Variants in BCL2L1 observed in about 807,000 individuals in gnomAD.
The protein encoded by BCL2L1 is BCL2 like 1, also known as bcl-2-like protein 1.
In BCL2L1, 1 loss-of-function variant was observed where a neutral mutation model predicts 18.7. The observed-to-expected ratio is 0.05, with a 90% CI of 0.02 to 0.25. The LOEUF is 0.25. BCL2L1 is among the 10% of genes least tolerant of loss of function. The probability of loss-of-function intolerance (pLI) is 1.00; values close to 1 mark genes in which losing one functional copy is unlikely to be tolerated. For synonymous variants in BCL2L1, 103 were observed against 122.7 expected, an observed-to-expected ratio of 0.84 and a Z score of 1.06; for missense variants, 207 against 304.9, an observed-to-expected ratio of 0.68 and a Z score of 2.39.
At chr20:31,688,545 G>A (rs1476693426) in intron 2 of BCL2L1, among the ~76,000 whole-genome samples, 1 of 152,142 alleles carries the variant, frequency 6.6e-6, no homozygotes, top group Non-Finnish European at 1.5e-5. Flanking sequence ...GGGTGGAAGG[G>A]TGTTAAGAAA....
At chr20:31,666,900 T>A (rs1373814185) in intron 2 of BCL2L1, among the ~76,000 whole-genome samples, 1 of 152,102 alleles carries the variant, frequency 6.6e-6, no homozygotes. Flanking sequence ...AAGGAGGAGC[T>A]GTGGGCTAAA....
chr20:31,691,756 AT>A (rs2122629783), intron 2 of BCL2L1, among the ~76,000 whole-genome samples: 1 of 152,316 alleles, frequency 6.6e-6, no homozygotes, highest in South Asian at 2.1e-4. Context: ...GGACTTGAAC[AT>A]TTTACAAAGA....
At chr20:31,694,955 A>G (rs1380861122) in intron 2 of BCL2L1, among the ~76,000 whole-genome samples, 1 of 152,224 alleles carries the variant, frequency 6.6e-6, no homozygotes, top group Non-Finnish European at 1.5e-5. Flanking sequence ...GAATGCAGGC[A>G]GTTCAACTCC....
rs1385752892 is a variant in BCL2L1, at chr20:31,722,033, G to T, written c.186C>A (p.Ser62Arg). Residue 62 changes from serine (S) to arginine (R), a missense_variant, in exon 2 of 3, where the codon AGC becomes AGA. Coordinates refer to ENST00000307677, the MANE Select transcript of BCL2L1 (RefSeq NM_138578.3). ...NGNPSWHLAD[S>R]PAVNGATGHS... ...GGCCAGTGGCTCCATTCACCGCGGG[G>T]CTGTCTGCCAGGTGCCAGGATGGGT... 1 of 1,610,930 alleles carries T rather than the reference G, an allele frequency of 6.2e-7. No individual in the cohort carries two copies. The highest frequency in any genetic ancestry group is 1.7e-5 in the Admixed American group (1 of 59,884).
chr20:31,690,059 C>G (rs976484478), intron 2 of BCL2L1, among the ~76,000 whole-genome samples: 8 of 152,186 alleles, frequency 5.3e-5, no homozygotes, highest in Admixed American at 4.6e-4. Flanking sequence ...TCACAAGTAG[C>G]CCTGGAAATA....
chr20:31,696,000 G>C (rs1022981734), intron 2 of BCL2L1, among the ~76,000 whole-genome samples: 2 of 151,964 alleles, frequency 1.3e-5, no homozygotes, highest in African/African-American at 4.8e-5. Context: ...GGTTGGTCTC[G>C]AACTCCTGGG....
intron 2 of BCL2L1, among the ~76,000 whole-genome samples, chr20:31,698,646 C>G (rs923779454): frequency 1.3e-5 from 2 of 151,916 alleles, no homozygotes; most frequent in Non-Finnish European, 2.9e-5. Flanking sequence ...TCAAGTGTTT[C>G]TCCCATCTCA....
chr20:31,712,496 C>G (rs1443107783), intron 2 of BCL2L1, among the ~76,000 whole-genome samples: 14 of 152,146 alleles, frequency 9.2e-5, no homozygotes, highest in Admixed American at 9.2e-4. Flanking sequence ...GTAATGTTAA[C>G]AATAATATTA....
Position 31,721,952 on chromosome 20 carries a change from C to T in BCL2L1, c.267G>A (p.Ala89=), listed in dbSNP as rs749141019. The T allele has an allele frequency of 1.9e-6, 3 of 1,614,190 alleles. No homozygotes were observed. Among genetic ancestry groups the T allele is most frequent in the South Asian group, 1.1e-5 (1 of 91,086 alleles). ...EVIPMAAVKQ[A]LREAGDEFEL... ...CAAACTCGTCGCCTGCCTCCCTCAGCGCTTGCTTTACTGCTGCCATGGGGA... is the reference window on the plus strand; with the variant it reads ...CAAACTCGTCGCCTGCCTCCCTCAGTGCTTGCTTTACTGCTGCCATGGGGA... Residue 89 remains alanine (A), a synonymous_variant, in exon 2 of 3, where the codon GCG becomes GCA. Transcript: ENST00000307677.
intron 2 of BCL2L1, among the ~76,000 whole-genome samples, chr20:31,677,070 T>TG (rs1177179102): frequency 6.6e-6 from 1 of 152,190 alleles, no homozygotes; most frequent in Non-Finnish European, 1.5e-5. Context: ...TCTACCAAGC[T>TG]GGGCTGCCAG....
chr20:31,687,749 CAG>C, intron 2 of BCL2L1, among the ~76,000 whole-genome samples: 1 of 151,730 alleles, frequency 6.6e-6, no homozygotes, highest in Non-Finnish European at 1.5e-5. Flanking sequence ...CAGTGTAGAC[CAG>C]AGACCTCTGA....
At chr20:31,679,229 G>T (rs918091413) in intron 2 of BCL2L1, among the ~76,000 whole-genome samples, 2 of 152,170 alleles carry the variant, frequency 1.3e-5, no homozygotes, top group African/African-American at 4.8e-5. Flanking sequence ...GGCACCCAGA[G>T]GTGTGCTGTT....
intron 2 of BCL2L1, among the ~76,000 whole-genome samples, chr20:31,703,771 C>T (rs2122720826): frequency 6.6e-6 from 1 of 150,898 alleles, no homozygotes; most frequent in Admixed American, 6.6e-5. Flanking sequence ...GGATTATAGG[C>T]ATGAGCCACT....
intron 2 of BCL2L1, chr20:31,713,270 A>G (rs375222689): frequency 1.0e-6 from 1 of 985,166 alleles, no homozygotes. Context: ...GTAGAAAGGC[A>G]TTTTCTAAAT....
chr20:31,717,247 G>A (rs1600935481), intron 2 of BCL2L1, among the ~76,000 whole-genome samples: 1 of 152,340 alleles, frequency 6.6e-6, no homozygotes, highest in East Asian at 1.9e-4. Flanking sequence ...GGACACAGAG[G>A]AGGACGCTCA....
At chr20:31,671,276 C>T (rs2060664788) in intron 2 of BCL2L1, among the ~76,000 whole-genome samples, 1 of 152,192 alleles carries the variant, frequency 6.6e-6, no homozygotes, top group Admixed American at 6.5e-5. Flanking sequence ...CACTAGAAAA[C>T]TGGGTCTCCT....
chr20:31,700,233 G>T (rs948342736), intron 2 of BCL2L1, among the ~76,000 whole-genome samples: 1 of 152,130 alleles, frequency 6.6e-6, no homozygotes, highest in Admixed American at 6.6e-5. Context: ...TTGCCGAATC[G>T]CCAAATGAAT....
intron 2 of BCL2L1, among the ~76,000 whole-genome samples, chr20:31,669,066 A>T (rs747512831): frequency 1.4e-4 from 22 of 151,764 alleles, no homozygotes; most frequent in South Asian, 4.2e-4. Flanking sequence ...TTTAATTTTT[A>T]AATTTTTGTG....
chr20:31,680,038 T>C (rs1231882178), intron 2 of BCL2L1, among the ~76,000 whole-genome samples: 1 of 152,164 alleles, frequency 6.6e-6, no homozygotes, highest in Non-Finnish European at 1.5e-5. Flanking sequence ...AGTGTCTCTC[T>C]TATTTGTAGC....
Sources: allele counts gnomAD v4.1 joint callset (sites outside exome capture counted in the v4.1 genomes callset), GRCh38; gene constraint gnomAD v4.1.1; transcripts MANE v1.5; gene names NCBI Gene and HGNC (gene_info 2026-07-23, HGNC 2026-07-21).